The following TLR3 variants were observed in gnomAD, a reference collection of about 807,000 sequenced individuals.
The protein encoded by TLR3 is toll-like receptor 3.
TLR3 carries 43 observed loss-of-function variants against 66.4 expected under a neutral mutation model. The observed-to-expected ratio is 0.65, with a 90% confidence interval of 0.51 to 0.83. The LOEUF is 0.83. TLR3 is among the 40% of genes least tolerant of loss of function. The probability of loss-of-function intolerance (pLI) is 0.00; values close to 1 mark genes in which losing one functional copy is unlikely to be tolerated. For synonymous variants in TLR3, 397 were observed against 397.2 expected (o/e 1.00, Z 0.01); for missense variants, 982 against 1,044.6 (o/e 0.94, Z 0.83).
intron 1 of TLR3, among the ~76,000 whole-genome samples, chr4:186,074,454 A>T (rs2099302088): frequency 6.6e-6 from 1 of 152,226 alleles, no homozygotes; most frequent in South Asian, 2.1e-4. Context: ...TGGCACTTCC[A>T]TAGGGCACTT....
rs1051348300 is a variant in TLR3, at chr4:186,083,245, A to G, written c.1559A>G (p.Asn520Ser). ...ILDLSNNNIA[N>S]INDDMLEGLE... ...GATCTAAGCAACAACAACATAGCCA[A>G]CATAAATGATGACATGTTGGAGGGT... The change falls in exon 4 of 5, where the codon AAC becomes AGC. Residue 520 changes from asparagine (N) to serine (S), a missense_variant. By Grantham distance (46) the Asn-to-Ser change is conservative (BLOSUM62 1). Coordinates refer to ENST00000296795, the MANE Select transcript of TLR3 (RefSeq NM_003265.3). The surrounding 1 kb of genome is among the most constrained non-coding windows in gnomAD (Gnocchi z 4.0). The G allele has an allele frequency of 1.5e-5, 25 of 1,614,218 alleles. No homozygotes were observed. Among genetic ancestry groups the G allele is most frequent in the African/African-American group, 4.0e-5 (3 of 75,050 alleles).
chr4:186,071,676 C>T (rs867206257), intron 1 of TLR3, among the ~76,000 whole-genome samples: 7 of 125,798 alleles, frequency 5.6e-5, no homozygotes, highest in Admixed American at 1.6e-4. Flanking sequence ...TTTATGGAAG[C>T]CAGTTTTTTT....
chr4:186,071,675 G>A, intron 1 of TLR3, among the ~76,000 whole-genome samples: 1 of 126,178 alleles, frequency 7.9e-6, no homozygotes, highest in Admixed American at 8.1e-5. Context: ...GTTTATGGAA[G>A]CCAGTTTTTT....
At position 186,083,567 on chromosome 4, in the gene TLR3, G is replaced by C. The variant is rs372944756; in HGVS notation, c.1881G>C (p.Lys627Asn). 4 of 1,612,990 alleles carry C rather than the reference G, an allele frequency of 2.5e-6. No individual in the cohort carries two copies. In the African/African-American group the frequency reaches 5.3e-5, roughly 22 times the overall value. Residue 627 changes from lysine (K) to asparagine (N), a missense_variant, in exon 4 of 5, where the codon AAG (lysine) becomes AAC (asparagine). Physicochemically the swap from Lys to Asn is moderately conservative, Grantham distance 94. Coordinates refer to ENST00000296795, the MANE Select transcript of TLR3 (RefSeq NM_003265.3). The surrounding 1 kb of genome is among the most constrained non-coding windows in gnomAD (Gnocchi z 4.0). ...AGAATCTCATAACATCCGTTGAGAA[G>C]AAGGTTTTCGGGCCAGCTTTCAGGA... is the stretch of plus-strand genomic sequence containing the variant. ...LQKNLITSVE[K>N]KVFGPAFRNL...
Position 186,086,643 on chromosome 4 carries a change from A to G in TLR3, c.*1770A>G, listed in dbSNP as rs1042345338. The G allele has an allele frequency of 1.3e-5, 2 of 152,178 alleles. No homozygotes were observed. Among genetic ancestry groups the G allele is most frequent in the Non-Finnish European group, 2.9e-5 (2 of 68,032 alleles). The allele number at this position is 152,178 out of a possible 1,614,324, so 9.4% of individuals were successfully genotyped here. A position where few individuals can be genotyped will look rare whatever the true frequency, so the allele number is the denominator to read the frequency against. ...AAAAATCACAACTTCTGCTTTTCTTATATGCTTTGTGTGTTATCACACAAA... is the reference window on the plus strand; with the variant it reads ...AAAAATCACAACTTCTGCTTTTCTTGTATGCTTTGTGTGTTATCACACAAA... On this transcript the variant is annotated 3_prime_UTR_variant, in exon 5 of 5. Coordinates refer to ENST00000296795, the MANE Select transcript of TLR3 (RefSeq NM_003265.3).
chr4:186,083,429 C>G lies in TLR3; in HGVS notation c.1743C>G (p.Val581=). 1 of 1,613,200 alleles carries G rather than the reference C, an allele frequency of 6.2e-7. No homozygotes were observed. The highest frequency in any genetic ancestry group is 8.5e-7 in the Non-Finnish European group (1 of 1,179,492). ...SNGFDEIPVE[V]FKDLFELKII... ...GCTTTGACGAGATCCCAGTTGAGGT[C>G]TTCAAGGATTTATTTGAACTAAAGA... Residue 581 remains valine (V), a synonymous_variant, in exon 4 of 5, where the codon GTC becomes GTG. Coordinates refer to ENST00000296795, the MANE Select transcript of TLR3 (RefSeq NM_003265.3). This position sits in a 1 kb window ranked among gnomAD's most constrained non-coding sequence, Gnocchi z 4.0.
chr4:186,082,827 C>T lies in TLR3; in HGVS notation c.1141C>T (p.Leu381=). ...KSNMFTGLIN[L]KYLSLSNSFT... is the part of the protein sequence containing the mutation. Reference sequence around the variant, plus strand: ...CAATATGTTCACAGGATTGATAAACCTGAAATACTTAAGTCTATCCAACTC... The same window carrying T: ...CAATATGTTCACAGGATTGATAAACTTGAAATACTTAAGTCTATCCAACTC... Residue 381 remains leucine, a synonymous_variant, in exon 4 of 5, where the codon CTG becomes TTG. Transcript: ENST00000296795. 1 of 1,613,878 alleles carries T rather than the reference C, an allele frequency of 6.2e-7. No individual in the cohort carries two copies. Among genetic ancestry groups the T allele is most frequent in the Non-Finnish European group, 8.5e-7 (1 of 1,179,906 alleles).
intron 1 of TLR3, among the ~76,000 whole-genome samples, chr4:186,075,019 T>C (rs1304587467): frequency 6.6e-6 from 1 of 152,040 alleles, no homozygotes; most frequent in East Asian, 1.9e-4. Context: ...CTGAGGCTGT[T>C]TTACAGTTAA....
In TLR3 at chr4:186,080,327, A is replaced by G. The variant is rs540230366; in HGVS notation, c.633+1296A>G. The stretch of plus-strand genomic sequence containing the variant: ...ATTTATTGTAGTAATCTTATTAAAT[A>G]TATGAATAAATGAGAAAATAATAAT... On this transcript the variant is annotated intron_variant, in intron 3 of 4. Transcript: ENST00000296795. Among the ~76,000 whole-genome samples, 3 of 152,212 alleles carry G rather than the reference A, an allele frequency of 2.0e-5. No homozygotes were observed. The South Asian group carries it at 6.2e-4, about 32-fold the overall frequency.
rs1189412011 is a variant in TLR3, at chr4:186,087,137, T to A, written c.*2264T>A. 6.6e-6 allele frequency: 1 copy of A among 152,166 alleles called. No homozygotes were observed. The highest frequency in any genetic ancestry group is 1.5e-5 in the Non-Finnish European group (1 of 68,032). 9.4% of individuals were successfully genotyped at this position (152,166 alleles called of 1,614,324 possible). A position where few individuals can be genotyped will look rare whatever the true frequency, so the allele number is the denominator to read the frequency against. ...TTACTTGGTGGTAGAATGTTGGGAT[T>A]TTTCCATTTGATTGAGTTCTAGGAA... On this transcript the variant is annotated 3_prime_UTR_variant, in exon 5 of 5. Coordinates refer to ENST00000296795, the MANE Select transcript of TLR3 (RefSeq NM_003265.3).
chr4:186,069,847 A>G (rs189127426), intron 1 of TLR3, among the ~76,000 whole-genome samples: 137 of 152,318 alleles, frequency 9.0e-4, no homozygotes, highest in Admixed American at 2.7e-3. Context: ...ATTGTGGGGT[A>G]CTCGGGTAAA....
In TLR3 at chr4:186,086,401, T is replaced by A. The variant is rs1043299723; in HGVS notation, c.*1528T>A. 6.6e-6 allele frequency: 1 copy of A among 152,206 alleles called. No homozygotes were observed. Among genetic ancestry groups the A allele is most frequent in the African/African-American group, 2.4e-5 (1 of 41,442 alleles). The allele number at this position is 152,206 out of a possible 1,614,324, so 9.4% of individuals were successfully genotyped here. On this transcript the variant is annotated 3_prime_UTR_variant, in exon 5 of 5. Transcript: ENST00000296795. ...AACTTTGATTTAAATAGTTCAGTAT[T>A]CCCAAGGCTGAGTTCCATGACCCTG...
chr4:186,084,645 A>G lies in TLR3; in HGVS notation c.2487A>G (p.Arg829=). 6.2e-7 allele frequency: 1 copy of G among 1,602,850 alleles called. No individual in the cohort carries two copies. The highest frequency in any genetic ancestry group is 8.5e-7 in the Non-Finnish European group (1 of 1,170,078). Residue 829 remains arginine (R), a splice_region_variant and synonymous_variant, in exon 5 of 5, where the codon AGA becomes AGG. Transcript: ENST00000296795. ...TTCTTCAATACATTTTTTTACTTAG[A>G]TTCAAGGTACATCATGCAGTTCAAC... is the stretch of plus-strand genomic sequence containing the variant. ...HHLLKDPLCK[R]FKVHHAVQQA...
At chr4:186,070,113 G>A (rs2150064899) in intron 1 of TLR3, among the ~76,000 whole-genome samples, 1 of 152,236 alleles carries the variant, frequency 6.6e-6, no homozygotes, top group South Asian at 2.1e-4. Flanking sequence ...AAATTCTAAG[G>A]CTGAGTGAGT....
intron 1 of TLR3, among the ~76,000 whole-genome samples, chr4:186,076,306 T>C (rs928810784): frequency 1.3e-5 from 2 of 152,172 alleles, no homozygotes; most frequent in Non-Finnish European, 2.9e-5. Flanking sequence ...ATATTAAGTT[T>C]ATGGAGGTAA....
Position 186,084,069 on chromosome 4 carries a change from G to A in TLR3, c.2383G>A (p.Ala795Thr). 1 of 1,614,132 alleles carries A rather than the reference G, an allele frequency of 6.2e-7. No homozygotes were observed. The highest frequency in any genetic ancestry group is 8.5e-7 in the Non-Finnish European group (1 of 1,180,036). ...TTGTCTGGAAGAAAGGGACTTTGAG[G>A]CGGGTGTTTTTGAACTAGAAGCAAT... ...KFCLEERDFE[A>T]GVFELEAIVN... Residue 795 changes from alanine (A) to threonine (T), a missense_variant, in exon 4 of 5, where the codon GCG (alanine) becomes ACG (threonine). Ala to Thr is a moderately conservative substitution (Grantham distance 58, BLOSUM62 0). Around this residue, in one of 3 missense-constraint regions of TLR3, gnomAD observed 666 missense variants for 709.0 expected, o/e 0.94. Coordinates refer to ENST00000296795, the MANE Select transcript of TLR3 (RefSeq NM_003265.3).
At position 186,083,611 on chromosome 4, in the gene TLR3, T is replaced by C. The variant is rs765417819; in HGVS notation, c.1925T>C (p.Met642Thr). 6.2e-7 allele frequency: 1 copy of C among 1,609,838 alleles called. No homozygotes were observed. The change falls in exon 4 of 5, where the codon ATG (methionine) becomes ACG (threonine). Residue 642 changes from methionine (M) to threonine (T), a missense_variant. This residue lies in a region of TLR3 where 666 missense variants were observed against 709.0 expected (regional missense o/e 0.94). Coordinates refer to ENST00000296795, the MANE Select transcript of TLR3 (RefSeq NM_003265.3). This position sits in a 1 kb window ranked among gnomAD's most constrained non-coding sequence, Gnocchi z 4.0. ...PAFRNLTELD[M>T]RFNPFDCTCE... is the part of the protein sequence containing the mutation. ...TTCAGGAACCTGACTGAGTTAGATA[T>C]GCGCTTTAATCCCTTTGATTGCACG...
In TLR3 at chr4:186,084,177, G is replaced by A; in HGVS notation, c.2486+5G>A. 2 of 1,612,268 alleles carry A rather than the reference G, an allele frequency of 1.2e-6. No individual in the cohort carries two copies. Among genetic ancestry groups the A allele is most frequent in the Non-Finnish European group, 8.5e-7 (1 of 1,179,174 alleles). On this transcript the variant is annotated splice_donor_5th_base_variant and intron_variant, in intron 4 of 4. Transcript: ENST00000296795. Reference sequence around the variant, plus strand: ...AAAAGACCCATTATGCAAAAGGTAGGTAAACATTGTGAAATTTTAAGTGTG... The same window carrying A: ...AAAAGACCCATTATGCAAAAGGTAGATAAACATTGTGAAATTTTAAGTGTG...
intron 1 of TLR3, among the ~76,000 whole-genome samples, chr4:186,070,952 C>A (rs1209815228): frequency 1.3e-5 from 2 of 152,164 alleles, no homozygotes; most frequent in African/African-American, 2.4e-5. Flanking sequence ...TCTGCCTACA[C>A]CTTCTAAAGT....
Sources: allele counts gnomAD v4.1 joint callset (sites outside exome capture counted in the v4.1 genomes callset), GRCh38; gene constraint gnomAD v4.1.1; regional missense constraint gnomAD v4.1.1; non-coding constraint Gnocchi (gnomAD v3.1); transcripts MANE v1.5; gene names NCBI Gene and HGNC (gene_info 2026-07-23, HGNC 2026-07-21).